Variants in ZNF229 observed in about 807,000 individuals in gnomAD.
ZNF229 encodes the protein zinc finger protein 229.
ZNF229 carries 10 observed loss-of-function variants against 11.8 expected under a neutral mutation model. The observed-to-expected ratio is 0.85, with a 90% CI of 0.52 to 1.44. The LOEUF is 1.44. Among genes scored for constraint, ZNF229 ranks in the 40% most tolerant of loss-of-function variants. The probability of loss-of-function intolerance (pLI) is 0.00; values close to 1 mark genes in which losing one functional copy is unlikely to be tolerated. For synonymous variants in ZNF229, 368 were observed against 374.8 expected, an observed-to-expected ratio of 0.98 and a Z score of 0.21; for missense variants, 1,045 against 1,015.1, an observed-to-expected ratio of 1.03 and a Z score of -0.40.
At chr19:44,442,299 C>A (rs1456055732) in intron 4 of ZNF229, among the ~76,000 whole-genome samples, 1 of 152,074 alleles carries the variant, frequency 6.6e-6, no homozygotes, top group Non-Finnish European at 1.5e-5. Context: ...GAAGCTATTG[C>A]GGTGGCAGGA....
chr19:44,439,190 A>G (rs1971865508), intron 4 of ZNF229, among the ~76,000 whole-genome samples: 1 of 152,212 alleles, frequency 6.6e-6, no homozygotes, highest in Non-Finnish European at 1.5e-5. Context: ...TGGTCACAGA[A>G]GTCTTCTGCC....
At chr19:44,439,881 T>C (rs563843158) in intron 4 of ZNF229, among the ~76,000 whole-genome samples, 2 of 152,348 alleles carry the variant, frequency 1.3e-5, no homozygotes, top group East Asian at 3.9e-4. Flanking sequence ...TAGACCTTGG[T>C]ATGGTCTGTC....
intron 2 of ZNF229, among the ~76,000 whole-genome samples, chr19:44,443,981 T>C (rs896890162): frequency 6.6e-6 from 1 of 152,100 alleles, no homozygotes; most frequent in Non-Finnish European, 1.5e-5. Context: ...CAACACATGG[T>C]ATAAATTGCT....
rs1971702921 is a variant in ZNF229, at chr19:44,430,482, T to C, written c.299A>G (p.His100Arg). ...IQDEELRFFS[H>R]KELSSCKIWE... ...GATTTTGCATGAGGAGAGCTCTTTG[T>C]GTGAAAAGAACCTTAATTCTTCATC... Residue 100 changes from histidine (H) to arginine (R), a missense_variant, in exon 6 of 6, where the codon CAC (histidine) becomes CGC (arginine). Physicochemically the swap from His to Arg is conservative, Grantham distance 29. Transcript: ENST00000614049. 1 of 1,614,158 alleles carries C rather than the reference T, an allele frequency of 6.2e-7. No individual in the cohort carries two copies. Among genetic ancestry groups the C allele is most frequent in the East Asian group, 2.2e-5 (1 of 44,880 alleles).
In ZNF229 at chr19:44,432,267, C is replaced by G. The variant is rs1383932991; in HGVS notation, c.193G>C (p.Glu65Gln). 1 of 1,613,784 alleles carries G rather than the reference C, an allele frequency of 6.2e-7. No individual in the cohort carries two copies. The highest frequency in any genetic ancestry group is 2.2e-5 in the East Asian group (1 of 44,896). Residue 65 changes from glutamate (E) to glutamine (Q), a missense_variant, in exon 5 of 6, where the codon GAG becomes CAG. Glu to Gln is a conservative substitution (Grantham distance 29). Transcript: ENST00000614049. Reference sequence around the variant, plus strand: ...ACTGAGAGTAGGTTCCTGAAATTCTCCTGCATCACATCTTGGTACAGCTGC... The same window carrying G: ...ACTGAGAGTAGGTTCCTGAAATTCTGCTGCATCACATCTTGGTACAGCTGC... ...QRQLYQDVMQ[E>Q]NFRNLLSVGE...
intron 4 of ZNF229, among the ~76,000 whole-genome samples, chr19:44,438,121 T>G (rs182280380): frequency 8.5e-5 from 13 of 152,228 alleles, no homozygotes; most frequent in African/African-American, 2.6e-4. Flanking sequence ...ACCTAAAATT[T>G]TTAAAAAAGT....
chr19:44,429,724 C>T lies in ZNF229; in HGVS notation c.1057G>A (p.Val353Ile), dbSNP rs943888565. 5 of 1,614,028 alleles carry T rather than the reference C, an allele frequency of 3.1e-6. No homozygotes were observed. Among genetic ancestry groups the T allele is most frequent in the East Asian group, 2.2e-5 (1 of 44,894 alleles). Residue 353 changes from valine to isoleucine, a missense_variant, in exon 6 of 6, where the codon GTC becomes ATC. Val to Ile is a conservative substitution (Grantham distance 29, BLOSUM62 3). Transcript: ENST00000614049. ...PVGDMPYRCD[V>I]CGKGFRYKSV... Reference sequence around the variant, plus strand: ...TTATACCTGAACCCCTTTCCACAGACATCACATCTATAGGGCATGTCTCCC... The same window carrying T: ...TTATACCTGAACCCCTTTCCACAGATATCACATCTATAGGGCATGTCTCCC...
chr19:44,430,354 A>G lies in ZNF229; in HGVS notation c.427T>C (p.Trp143Arg). 9.9e-6 allele frequency: 16 copies of G among 1,613,986 alleles called. No homozygotes were observed. Among genetic ancestry groups the G allele is most frequent in the Non-Finnish European group, 1.3e-5 (15 of 1,180,024 alleles). The part of the protein sequence containing the change: ...FSEDAAPHQG[W>R]EGASTPCFPI... ...AAACACGGCGTAGATGCTCCTTCCC[A>G]CCCTTGATGGGGAGCAGCATCTTCT... The change falls in exon 6 of 6, where the codon TGG (tryptophan) becomes CGG (arginine). Residue 143 changes from tryptophan to arginine, a missense_variant. Transcript: ENST00000614049.
chr19:44,437,190 G>A (rs1971829863), intron 4 of ZNF229, among the ~76,000 whole-genome samples: 4 of 152,116 alleles, frequency 2.6e-5, no homozygotes, highest in Admixed American at 1.3e-4. Context: ...ATATTAAAGA[G>A]CCATTTAGAT....
chr19:44,445,583 A>G (rs757781078), intron 2 of ZNF229, among the ~76,000 whole-genome samples: 5 of 152,004 alleles, frequency 3.3e-5, no homozygotes, highest in African/African-American at 1.2e-4. Flanking sequence ...TTGGGTCCCT[A>G]TTCAAGCACC....
At chr19:44,441,449 A>T (rs1221803209) in intron 4 of ZNF229, among the ~76,000 whole-genome samples, 2 of 152,216 alleles carry the variant, frequency 1.3e-5, no homozygotes, top group Non-Finnish European at 1.5e-5. Flanking sequence ...GTGTTGAAAA[A>T]ACATACTTAA....
chr19:44,443,260 G>T (rs2571169), intron 2 of ZNF229, among the ~76,000 whole-genome samples: 9,102 of 152,232 alleles, frequency 0.06, 471 homozygotes, highest in East Asian at 0.28. Flanking sequence ...TTCTCAGTAA[G>T]GCACAGGGCC....
chr19:44,437,481 G>A (rs925247895), intron 4 of ZNF229, among the ~76,000 whole-genome samples: 4 of 152,144 alleles, frequency 2.6e-5, no homozygotes, highest in African/African-American at 4.8e-5. Context: ...ACGCTGGCAA[G>A]GTTGTGGAGA....
At chr19:44,434,873 C>T (rs1330778781) in intron 4 of ZNF229, among the ~76,000 whole-genome samples, 2 of 152,128 alleles carry the variant, frequency 1.3e-5, no homozygotes, top group African/African-American at 4.8e-5. Flanking sequence ...ATAATTCCCA[C>T]GTGTTATGGG....
At position 44,429,482 on chromosome 19, in the gene ZNF229, G is replaced by A. The variant is rs1194653127; in HGVS notation, c.1299C>T (p.Tyr433=). 4 of 1,613,688 alleles carry A rather than the reference G, an allele frequency of 2.5e-6. No individual in the cohort carries two copies. The highest frequency in any genetic ancestry group is 1.3e-5 in the African/African-American group (1 of 74,742). Residue 433 remains tyrosine, a synonymous_variant, in exon 6 of 6, where the codon TAC becomes TAT. Transcript: ENST00000614049. ...AGCCTTTGCCACACTCGCTGCAGGTGTAGGGCTTCTCCCCTGTGTGCAGCC... is the reference window on the plus strand; with the variant it reads ...AGCCTTTGCCACACTCGCTGCAGGTATAGGGCTTCTCCCCTGTGTGCAGCC... ...HQRLHTGEKP[Y]TCSECGKGFC...
At chr19:44,435,428 A>C (rs996829418) in intron 4 of ZNF229, among the ~76,000 whole-genome samples, 7 of 152,204 alleles carry the variant, frequency 4.6e-5, no homozygotes, top group Non-Finnish European at 4.4e-5. Flanking sequence ...TTGGAAAGAA[A>C]CCAGGTGCAA....
At chr19:44,442,682 T>TA (rs1388505644) in intron 3 of ZNF229, 61 bp from the exon 4 acceptor site, 12 of 1,606,474 alleles carry the variant, frequency 7.5e-6, no homozygotes, top group Non-Finnish European at 9.4e-6. Context: ...CTAGATCATC[T>TA]ACCTGGTAGG....
intron 4 of ZNF229, among the ~76,000 whole-genome samples, 191 bp from the exon 5 acceptor site, chr19:44,432,557 G>C (rs1318994279): frequency 6.6e-6 from 1 of 152,016 alleles, no homozygotes; most frequent in South Asian, 2.1e-4. Context: ...GATGAAGCTG[G>C]AAACCATCAT....
chr19:44,445,020 T>C (rs1027554051), intron 2 of ZNF229, among the ~76,000 whole-genome samples: 1 of 152,232 alleles, frequency 6.6e-6, no homozygotes, highest in Non-Finnish European at 1.5e-5. Context: ...TCCACTCTTA[T>C]GTCTAAAAAG....
Sources: allele counts gnomAD v4.1 joint callset (sites outside exome capture counted in the v4.1 genomes callset), GRCh38; gene constraint gnomAD v4.1.1; transcripts MANE v1.5; gene names NCBI Gene and HGNC (gene_info 2026-07-23, HGNC 2026-07-21).